CTTNBP2NL: variants seen among roughly 807,000 people sequenced by gnomAD.
CTTNBP2NL encodes the protein CTTNBP2 N-terminal-like protein.
A neutral mutation model predicts 32.5 loss-of-function variants in CTTNBP2NL; 16 were observed. That is an observed-to-expected ratio of 0.49 (90% CI 0.33 to 0.75). CTTNBP2NL has a LOEUF of 0.75. Among genes scored for constraint, CTTNBP2NL ranks in the 30% least tolerant of loss-of-function variants. CTTNBP2NL has a pLI of 0.02. For synonymous variants in CTTNBP2NL, 298 were observed against 289.4 expected (o/e 1.03, Z -0.30); for missense variants, 645 against 756.0 (o/e 0.85, Z 1.72).
chr1:112,441,249 C>T (rs1649884804), intron 3 of CTTNBP2NL, among the ~76,000 whole-genome samples: 1 of 152,160 alleles, frequency 6.6e-6, no homozygotes, highest in Non-Finnish European at 1.5e-5. Flanking sequence ...TTTTTGTTCA[C>T]CATAGTTCGG....
At position 112,457,355 on chromosome 1, in the gene CTTNBP2NL, C is replaced by T. The variant is rs746310502; in HGVS notation, c.1863C>T (p.Ser621=). Reference sequence around the variant, plus strand: ...AAGACCTTGCCAGCAGCTGCTCTTCCAATACTGTTGTAGCAAATGGTAAGG... The same window carrying T: ...AAGACCTTGCCAGCAGCTGCTCTTCTAATACTGTTGTAGCAAATGGTAAGG... ...TAEDLASSCS[S]NTVVANGKDV... is the part of the protein sequence containing the mutation. Residue 621 remains serine (S), a synonymous_variant, in exon 6 of 6, where the codon TCC becomes TCT. Transcript: ENST00000271277. 1 of 1,614,128 alleles carries T rather than the reference C, an allele frequency of 6.2e-7. No individual in the cohort carries two copies. Among genetic ancestry groups the T allele is most frequent in the Non-Finnish European group, 8.5e-7 (1 of 1,179,996 alleles).
chr1:112,406,178 C>T lies in CTTNBP2NL; in HGVS notation c.-133-6016C>T, dbSNP rs551056384. Among the ~76,000 whole-genome samples the T allele has an allele frequency of 2.9e-3, 441 of 149,792 alleles. 3 individuals are homozygous for T. Among genetic ancestry groups the T allele is most frequent in the Non-Finnish European group, 4.9e-3 (332 of 67,566 alleles). On this transcript the variant is annotated intron_variant, in intron 1 of 5. Transcript: ENST00000271277. ...CAGCCTGGGTGACAAAGTGAGACTC[C>T]GTCTCAAAAAAAAAAAAACGTGTGC...
At chr1:112,448,056 C>T (rs1039102958) in intron 3 of CTTNBP2NL, among the ~76,000 whole-genome samples, 3 of 152,204 alleles carry the variant, frequency 2.0e-5, no homozygotes, top group African/African-American at 7.2e-5. Flanking sequence ...TATCTTTCCA[C>T]CCACTTCCTG....
At chr1:112,427,210 A>T (rs146378522) in intron 3 of CTTNBP2NL, among the ~76,000 whole-genome samples, 3 of 152,324 alleles carry the variant, frequency 2.0e-5, no homozygotes, top group East Asian at 3.9e-4. Context: ...TGGCTCACTT[A>T]GGAAATAGAC....
intron 3 of CTTNBP2NL, among the ~76,000 whole-genome samples, chr1:112,417,334 G>T (rs2101003253): frequency 6.6e-6 from 1 of 152,322 alleles, no homozygotes; most frequent in South Asian, 2.1e-4. Context: ...TACTTTAAAA[G>T]ATTACTATAA....
At chr1:112,402,575 G>GT (rs1372762546) in intron 1 of CTTNBP2NL, among the ~76,000 whole-genome samples, 1 of 152,178 alleles carries the variant, frequency 6.6e-6, no homozygotes, top group Non-Finnish European at 1.5e-5. Context: ...CACAAACTGG[G>GT]TTTTTTGTTG....
intron 1 of CTTNBP2NL, among the ~76,000 whole-genome samples, chr1:112,400,042 C>G (rs1265324022): frequency 6.6e-6 from 1 of 152,146 alleles, no homozygotes. Context: ...GCACTCCAGC[C>G]TGGGCAAGAA....
chr1:112,407,171 G>A (rs1201433373), intron 1 of CTTNBP2NL, among the ~76,000 whole-genome samples: 1 of 152,156 alleles, frequency 6.6e-6, no homozygotes, highest in African/African-American at 2.4e-5. Context: ...GAAATACTGT[G>A]TTGTAGTGCT....
At chr1:112,423,076 A>G (rs1649277468) in intron 3 of CTTNBP2NL, among the ~76,000 whole-genome samples, 1 of 152,214 alleles carries the variant, frequency 6.6e-6, no homozygotes, top group South Asian at 2.1e-4. Context: ...TTGTAGGCAT[A>G]GTCACCAACC....
In CTTNBP2NL at chr1:112,456,929, A is replaced by T; in HGVS notation, c.1437A>T (p.Leu479=). 6.2e-7 allele frequency: 1 copy of T among 1,614,076 alleles called. No individual in the cohort carries two copies. The highest frequency in any genetic ancestry group is 1.7e-5 in the Admixed American group (1 of 60,000). The change falls in exon 6 of 6, where the codon CTA becomes CTT. Residue 479 remains leucine, a synonymous_variant. Transcript: ENST00000271277. ...QADQDQQASG[L]QSPPSRDLSP... ...ATCAGGACCAACAAGCCAGTGGCCT[A>T]CAGAGCCCTCCATCCAGGGATTTAT...
At chr1:112,440,582 T>C (rs925350993) in intron 3 of CTTNBP2NL, among the ~76,000 whole-genome samples, 4 of 152,204 alleles carry the variant, frequency 2.6e-5, no homozygotes, top group African/African-American at 7.2e-5. Context: ...TGCTCTGCAG[T>C]GTTTTTTATT....
At chr1:112,392,089 T>C (rs368891869), upstream of CTTNBP2NL, among the ~76,000 whole-genome samples, 14 of 152,188 alleles carry the variant, frequency 9.2e-5, no homozygotes, top group Admixed American at 6.5e-5. Context: ...TAAATCAAAA[T>C]TGAAAATATT....
At chr1:112,443,603 C>T (rs908240270) in intron 3 of CTTNBP2NL, among the ~76,000 whole-genome samples, 9 of 152,186 alleles carry the variant, frequency 5.9e-5, no homozygotes, top group African/African-American at 2.2e-4. Flanking sequence ...CCTGCCTTGG[C>T]CTCCCAAAGT....
chr1:112,444,811 T>C (rs1649989153), intron 3 of CTTNBP2NL, among the ~76,000 whole-genome samples: 1 of 152,186 alleles, frequency 6.6e-6, no homozygotes, highest in African/African-American at 2.4e-5. Flanking sequence ...ACCCGAGATA[T>C]AAATGATAGT....
rs374188144 is a variant in CTTNBP2NL at position 112,436,046 on chromosome 1, AT to A, written c.100-12880del. Among the ~76,000 whole-genome samples the A allele has an allele frequency of 7.7e-3, 966 of 124,932 alleles. 7 individuals are homozygous for A. Among genetic ancestry groups the A allele is most frequent in the African/African-American group, 0.027 (832 of 31,062 alleles). 82.0% of individuals were successfully genotyped at this position (124,932 alleles called of 152,430 possible). A position where few individuals can be genotyped will look rare whatever the true frequency, so the allele number is the denominator to read the frequency against. On this transcript the variant is annotated intron_variant, in intron 3 of 5. Transcript: ENST00000271277. ...CGACTGATCCTCCATTTCTCCTGTG[AT>A]TTTTTTTTTTTTTTTGAGATTTGCT...
chr1:112,436,062 TG>T (rs1649717714), intron 3 of CTTNBP2NL, among the ~76,000 whole-genome samples: 1 of 151,028 alleles, frequency 6.6e-6, no homozygotes, highest in Non-Finnish European at 1.5e-5. Flanking sequence ...TTTTTTTTTT[TG>T]AGATTTGCTT....
At chr1:112,455,592 T>C (rs1054339503) in intron 5 of CTTNBP2NL, among the ~76,000 whole-genome samples, 1 of 152,256 alleles carries the variant, frequency 6.6e-6, no homozygotes, top group Non-Finnish European at 1.5e-5. Context: ...AAAATGTTTG[T>C]TTTCAGCAAC....
chr1:112,446,501 T>C (rs1302537457), intron 3 of CTTNBP2NL, among the ~76,000 whole-genome samples: 3 of 152,256 alleles, frequency 2.0e-5, no homozygotes, highest in African/African-American at 7.2e-5. Flanking sequence ...TGTTTGGCAC[T>C]GTTGCTTTTA....
chr1:112,433,274 GTGCGTGCA>G (rs1649627021), intron 3 of CTTNBP2NL, among the ~76,000 whole-genome samples: 1 of 152,128 alleles, frequency 6.6e-6, no homozygotes, highest in African/African-American at 2.4e-5. Context: ...GTGTGTGTAT[GTGCGTGCA>G]TGCGTGCGTT....
Sources: gnomAD v4.1 joint callset for allele counts (sites outside exome capture counted in the v4.1 genomes callset) on GRCh38, gnomAD v4.1.1 for gene constraint, MANE v1.5 for transcripts, NCBI Gene and HGNC (gene_info 2026-07-23, HGNC 2026-07-21) for gene names.